Variants in MTUS1 observed in about 807,000 individuals in gnomAD.
MTUS1 encodes microtubule associated scaffold protein 1, also known as microtubule-associated tumor suppressor 1.
MTUS1 carries 109 observed loss-of-function variants against 120.8 expected under a neutral mutation model. The observed-to-expected ratio is 0.90, with a 90% CI of 0.77 to 1.06. The LOEUF is 1.06. Among genes scored for constraint, MTUS1 ranks in the 50% least tolerant of loss-of-function variants. The pLI is 0.00. For missense variants in MTUS1, 2,210 were observed against 1,486.3 expected, an observed-to-expected ratio of 1.49 and a Z score of -8.01; for synonymous variants, 737 against 550.5, an observed-to-expected ratio of 1.34 and a Z score of -4.74.
At position 17,646,927 on chromosome 8, in the gene MTUS1, C is replaced by A. The variant is rs140496359; in HGVS notation, c.3599+55G>T. The A allele has an allele frequency of 5.3e-5, 70 of 1,322,344 alleles. No individual in the cohort carries two copies. In the African/African-American group the frequency reaches 9.2e-4, roughly 17 times the overall value. The allele number at this position is 1,322,344 out of a possible 1,614,324, so 81.9% of individuals were successfully genotyped here. ...GGGTAGAGCGTGTCCAGAAAGTACACTGGATGTCCAAGGGAGCGGGGAGCT... is the reference window on the plus strand; with the variant it reads ...GGGTAGAGCGTGTCCAGAAAGTACAATGGATGTCCAAGGGAGCGGGGAGCT... On this transcript the variant is annotated intron_variant, in intron 14 of 14. Coordinates refer to ENST00000693296, the MANE Select transcript of MTUS1 (RefSeq NM_001363059.2).
rs1807423110 is a variant in MTUS1 at position 17,653,232 on chromosome 8, A to C, written c.3338T>G (p.Leu1113Trp). ...TCTTCTTTTTTGTTCTTCTGATTTC[A>C]ATTTTTCATTTAAAGCATCATTTTC... The part of the protein sequence containing the change: ...KSENDALNEK[L>W]KSEEQKRRAR... The change falls in exon 12 of 15, where the codon TTG becomes TGG. Residue 1113 changes from leucine to tryptophan, a missense_variant. Transcript: ENST00000693296. 2.0e-5 allele frequency: 31 copies of C among 1,558,190 alleles called. No individual in the cohort carries two copies. Among genetic ancestry groups the C allele is most frequent in the Non-Finnish European group, 2.7e-5 (31 of 1,156,586 alleles).
chr8:17,656,094 G>C (rs762938545), intron 8 of MTUS1, 29 bp from the exon 9 acceptor site: 5 of 1,603,926 alleles, frequency 3.1e-6, no homozygotes, highest in Non-Finnish European at 8.5e-7. Context: ...GAAGAGGGAA[G>C]AGGTCATTTT....
At chr8:17,767,703 A>AC (rs2049650244) in intron 1 of MTUS1, among the ~76,000 whole-genome samples, 1 of 100,356 alleles carries the variant, frequency 1.0e-5, no homozygotes, top group Admixed American at 1.0e-4. Context: ...TGTCTCTTAA[A>AC]AAAAAAAAAA....
chr8:17,785,837 G>C (rs982128756), intron 1 of MTUS1, among the ~76,000 whole-genome samples: 1 of 152,148 alleles, frequency 6.6e-6, no homozygotes, highest in African/African-American at 2.4e-5. Context: ...AGTACTGAGA[G>C]GGCCGATGGA....
chr8:17,720,777 T>C (rs2045776898), intron 4 of MTUS1, among the ~76,000 whole-genome samples: 1 of 152,214 alleles, frequency 6.6e-6, no homozygotes, highest in Admixed American at 6.5e-5. Context: ...ATATTAGGTA[T>C]CTGAGTGTGA....
intron 1 of MTUS1, chr8:17,800,507 T>G (rs1373817451): frequency 3.9e-5 from 6 of 152,050 alleles, no homozygotes; most frequent in Non-Finnish European, 5.9e-5. Flanking sequence ...AACAACTTGG[T>G]AGAAAGGAGT....
chr8:17,784,596 C>T (rs950145461), intron 1 of MTUS1, among the ~76,000 whole-genome samples: 6 of 151,788 alleles, frequency 4.0e-5, no homozygotes, highest in Non-Finnish European at 8.8e-5. Flanking sequence ...TATTAAGAGA[C>T]TTTCAAGAAT....
intron 6 of MTUS1, chr8:17,697,180 A>T: frequency 1.3e-6 from 2 of 1,484,760 alleles, no homozygotes. Context: ...CTCCTTGGAA[A>T]AACCTCTGAT....
At chr8:17,740,410 CTG>C (rs1441135844) in intron 3 of MTUS1, among the ~76,000 whole-genome samples, 19 of 152,190 alleles carry the variant, frequency 1.2e-4, no homozygotes, top group Non-Finnish European at 4.4e-5. Flanking sequence ...AGCAGAGTAA[CTG>C]TGAGTCAGTA....
intron 1 of MTUS1, among the ~76,000 whole-genome samples, chr8:17,774,032 A>G (rs1324514985): frequency 6.6e-6 from 1 of 152,120 alleles, no homozygotes; most frequent in Non-Finnish European, 1.5e-5. Flanking sequence ...CCCTCACCTC[A>G]TTATATGACC....
intron 6 of MTUS1, among the ~76,000 whole-genome samples, chr8:17,693,502 A>C (rs1360414659): frequency 6.6e-6 from 1 of 152,150 alleles, no homozygotes; most frequent in African/African-American, 2.4e-5. Flanking sequence ...GGATCTCTAC[A>C]ATGACCAGCC....
intron 3 of MTUS1, among the ~76,000 whole-genome samples, chr8:17,732,117 T>C (rs1478211269): frequency 6.6e-6 from 1 of 152,168 alleles, no homozygotes; most frequent in African/African-American, 2.4e-5. Flanking sequence ...AGTGGTGGGA[T>C]GCACACGGAA....
chr8:17,733,254 G>C (rs555571164), intron 3 of MTUS1, among the ~76,000 whole-genome samples: 2 of 152,082 alleles, frequency 1.3e-5, no homozygotes, highest in South Asian at 2.1e-4. Flanking sequence ...GGTAGGCTGA[G>C]GCAGGAGAAT....
intron 1 of MTUS1, among the ~76,000 whole-genome samples, chr8:17,784,083 G>A (rs1410194704): frequency 7.4e-6 from 1 of 135,726 alleles, no homozygotes; most frequent in Non-Finnish European, 1.6e-5. Context: ...TTCTCCAAAT[G>A]ATTTCAACTC....
chr8:17,714,037 A>G (rs1188359257), intron 5 of MTUS1, among the ~76,000 whole-genome samples: 2 of 152,190 alleles, frequency 1.3e-5, no homozygotes, highest in Non-Finnish European at 2.9e-5. Flanking sequence ...AAGTTATTTT[A>G]GTATCAAAGT....
Position 17,693,771 on chromosome 8 carries a change from CCTT to C in MTUS1, c.2624-9232_2624-9230del, listed in dbSNP as rs1169490929. On this transcript the variant is annotated intron_variant, in intron 6 of 14. Transcript: ENST00000693296. Reference sequence around the variant, plus strand: ...TGCATTATTAACTGGTGCTCTGTCTCCTTCTGTTAAACAGTGGGCTGTGTGAAG... The same window carrying C: ...TGCATTATTAACTGGTGCTCTGTCTCCTGTTAAACAGTGGGCTGTGTGAAG... 3.3e-5 allele frequency among the ~76,000 whole-genome samples: 5 copies of C among 152,306 alleles called. No homozygotes were observed. The East Asian group carries it at 7.7e-4, about 24-fold the overall frequency.
chr8:17,751,673 T>C (rs574093763), intron 2 of MTUS1, among the ~76,000 whole-genome samples: 115 of 151,694 alleles, frequency 7.6e-4, no homozygotes, highest in Middle Eastern at 3.4e-3. Context: ...TCCTGGACAA[T>C]ATGGTGAAAC....
intron 1 of MTUS1, among the ~76,000 whole-genome samples, chr8:17,774,857 T>C (rs1379309188): frequency 6.6e-6 from 1 of 150,384 alleles, no homozygotes; most frequent in African/African-American, 2.5e-5. Context: ...CACTGACAGA[T>C]GAGTGGATAA....
intron 6 of MTUS1, chr8:17,697,183 CCT>C (rs1359728720): frequency 4.0e-6 from 6 of 1,488,636 alleles, no homozygotes; most frequent in East Asian, 2.4e-5. Flanking sequence ...CTTGGAAAAA[CCT>C]CTGATAAACA....
Sources: allele counts gnomAD v4.1 joint callset (sites outside exome capture counted in the v4.1 genomes callset), GRCh38; gene constraint gnomAD v4.1.1; transcripts MANE v1.5; gene names NCBI Gene and HGNC (gene_info 2026-07-23, HGNC 2026-07-21).